ASIC2: variants seen among roughly 807,000 people sequenced by gnomAD.
ASIC2 encodes the protein acid sensing ion channel subunit 2.
In ASIC2, 25 loss-of-function variants were observed where a neutral mutation model predicts 57.3. The observed-to-expected ratio is 0.44, with a 90% CI of 0.32 to 0.61. ASIC2 has a LOEUF of 0.61. ASIC2 is among the 20% of genes least tolerant of loss of function. The pLI, the probability that ASIC2 is intolerant of heterozygous loss-of-function variation, is 0.06. For synonymous variants in ASIC2, 319 were observed against 307.5 expected, an observed-to-expected ratio of 1.04 and a Z score of -0.39; for missense variants, 641 against 738.1, an observed-to-expected ratio of 0.87 and a Z score of 1.52.
At chr17:33,318,631 T>G (rs1461990469) in intron 1 of ASIC2, among the ~76,000 whole-genome samples, 2 of 152,196 alleles carry the variant, frequency 1.3e-5, no homozygotes, top group African/African-American at 4.8e-5. Context: ...CAGGATGACT[T>G]GCTTTTATTT....
intron 1 of ASIC2, among the ~76,000 whole-genome samples, chr17:33,654,961 T>G (rs1907031852): frequency 6.6e-6 from 1 of 152,124 alleles, no homozygotes; most frequent in Admixed American, 6.6e-5. Context: ...GAGACCCATC[T>G]CTATAACAAA....
At chr17:33,669,082 A>C (rs557685355) in intron 1 of ASIC2, among the ~76,000 whole-genome samples, 1 of 152,138 alleles carries the variant, frequency 6.6e-6, no homozygotes, top group African/African-American at 2.4e-5. Context: ...TCAAAATCAG[A>C]CTTTGGGTTT....
At position 33,737,941 on chromosome 17, in the gene ASIC2, A is replaced by T. The variant is rs143978340; in HGVS notation, c.555+418037T>A. 3.4e-3 allele frequency among the ~76,000 whole-genome samples: 516 copies of T among 152,330 alleles called. 3 individuals are homozygous for T. The highest frequency in any genetic ancestry group is 0.012 in the African/African-American group (498 of 41,564). On this transcript the variant is annotated intron_variant, in intron 1 of 9. Transcript: ENST00000359872. Reference sequence around the variant, plus strand: ...AACTTTCCAGAGAAGGAAAAACCCAACTTGGTAAACAAAAAAATAAATAAA... The same window carrying T: ...AACTTTCCAGAGAAGGAAAAACCCATCTTGGTAAACAAAAAAATAAATAAA...
chr17:33,633,030 G>A (rs932719545), intron 1 of ASIC2, among the ~76,000 whole-genome samples: 1 of 152,192 alleles, frequency 6.6e-6, no homozygotes, highest in African/African-American at 2.4e-5. Context: ...GGCTTCTCCT[G>A]TGTGGGTTCC....
At chr17:33,622,050 T>C (rs10512449) in intron 1 of ASIC2, among the ~76,000 whole-genome samples, 28,245 of 151,954 alleles carry the variant, frequency 0.19, 2,726 homozygotes, top group Admixed American at 0.26. Context: ...GCCATAAGTC[T>C]TATTGTTTCT....
chr17:33,772,599 A>C (rs918540702), intron 1 of ASIC2, among the ~76,000 whole-genome samples: 1 of 152,204 alleles, frequency 6.6e-6, no homozygotes, highest in African/African-American at 2.4e-5. Context: ...ATGTATACCT[A>C]TATATACATA....
intron 1 of ASIC2, among the ~76,000 whole-genome samples, chr17:33,529,011 C>T (rs968651112): frequency 6.6e-6 from 1 of 152,102 alleles, no homozygotes; most frequent in African/African-American, 2.4e-5. Flanking sequence ...AGTAAGAGAG[C>T]CAAGTGGCCA....
chr17:34,014,037 G>A (rs1454745826), intron 1 of ASIC2, among the ~76,000 whole-genome samples: 2 of 152,160 alleles, frequency 1.3e-5, no homozygotes, highest in African/African-American at 4.8e-5. Context: ...GGTAAAGGGA[G>A]TCTCCCCTTC....
chr17:33,281,315 G>A (rs929113542), intron 1 of ASIC2, among the ~76,000 whole-genome samples: 8 of 152,062 alleles, frequency 5.3e-5, no homozygotes, highest in African/African-American at 1.4e-4. Flanking sequence ...ACTTTTGTAC[G>A]GCCTTAAAAG....
chr17:34,010,983 C>CACACACACAGACACAG (rs1597972600), intron 1 of ASIC2, among the ~76,000 whole-genome samples: 1 of 2,054 alleles, frequency 4.9e-4, no homozygotes, highest in Admixed American at 7.1e-3. Flanking sequence ...CGCACACACA[C>CACACACACAGACACAG]ATACCTCTAG....
chr17:33,845,402 T>C (rs1197050313), intron 1 of ASIC2, among the ~76,000 whole-genome samples: 1 of 152,162 alleles, frequency 6.6e-6, no homozygotes, highest in African/African-American at 2.4e-5. Context: ...AGGGTGCACC[T>C]GTAAACGCAG....
chr17:33,495,415 ATCT>A (rs1300176076), intron 1 of ASIC2, among the ~76,000 whole-genome samples: 3 of 152,142 alleles, frequency 2.0e-5, no homozygotes, highest in Non-Finnish European at 4.4e-5. Context: ...CGTTATTCTC[ATCT>A]TCTCGGAAAC....
chr17:33,933,854 G>A (rs1410107138), intron 1 of ASIC2, among the ~76,000 whole-genome samples: 5 of 152,210 alleles, frequency 3.3e-5, no homozygotes, highest in South Asian at 4.1e-4. Context: ...CCAGATGCAC[G>A]AAACAGGCCT....
At chr17:33,417,304 C>G (rs1910880223) in intron 1 of ASIC2, among the ~76,000 whole-genome samples, 1 of 152,178 alleles carries the variant, frequency 6.6e-6, no homozygotes, top group Non-Finnish European at 1.5e-5. Flanking sequence ...CAGAACACGT[C>G]TGTCTATAAT....
chr17:34,115,323 G>A (rs1358893576), intron 1 of ASIC2, among the ~76,000 whole-genome samples: 1 of 152,170 alleles, frequency 6.6e-6, no homozygotes, highest in Non-Finnish European at 1.5e-5. Flanking sequence ...AATCTGAATT[G>A]CAGTGCACTA....
intron 1 of ASIC2, chr17:34,038,189 A>G (rs1907964434): frequency 1.9e-6 from 3 of 1,612,538 alleles, no homozygotes; most frequent in Middle Eastern, 3.4e-4. Context: ...GGGAGGTTTT[A>G]TTTCATTTAA....
chr17:33,085,638 C>T (rs1345100065), intron 3 of ASIC2, among the ~76,000 whole-genome samples: 2 of 152,210 alleles, frequency 1.3e-5, no homozygotes, highest in Non-Finnish European at 2.9e-5. Flanking sequence ...AGTAGGTATT[C>T]AGCAAATATT....
chr17:33,163,442 C>T (rs1050648663), intron 1 of ASIC2, among the ~76,000 whole-genome samples: 2 of 151,878 alleles, frequency 1.3e-5, no homozygotes, highest in Non-Finnish European at 2.9e-5. Flanking sequence ...CTCTGCTTGC[C>T]TCTCATGAGG....
intron 1 of ASIC2, among the ~76,000 whole-genome samples, chr17:33,280,391 G>A (rs1428251165): frequency 6.6e-6 from 1 of 152,184 alleles, no homozygotes; most frequent in Non-Finnish European, 1.5e-5. Flanking sequence ...CAGCTGTTCT[G>A]AGATATTTGA....
Sources: gnomAD v4.1 joint callset for allele counts (sites outside exome capture counted in the v4.1 genomes callset) on GRCh38, gnomAD v4.1.1 for gene constraint, MANE v1.5 for transcripts, NCBI Gene and HGNC (gene_info 2026-07-23, HGNC 2026-07-21) for gene names.